Variants in SCRT2 observed in about 807,000 individuals in gnomAD.
SCRT2 encodes the protein transcriptional repressor scratch 2.
In SCRT2, 2 loss-of-function variants were observed where a neutral mutation model predicts 3.7. That is an observed-to-expected ratio of 0.54 (90% confidence interval 0.22 to 1.70). The LOEUF is 1.70. Ranked by LOEUF, SCRT2 falls within the 40% of genes most tolerant of loss-of-function variation. The pLI is 0.19. For synonymous variants in SCRT2, 256 were observed against 220.6 expected (o/e 1.16, Z -1.42); for missense variants, 456 against 468.5 (o/e 0.97, Z 0.25).
chr20:668,805 C>T (rs1984237497), intron 1 of SCRT2, among the ~76,000 whole-genome samples: 1 of 152,204 alleles, frequency 6.6e-6, no homozygotes, highest in African/African-American at 2.4e-5. Context: ...GCTGGGCCCT[C>T]TGCAGACACT....
At chr20:673,716 T>TTGCC (rs1984418932) in intron 1 of SCRT2, among the ~76,000 whole-genome samples, 1 of 152,162 alleles carries the variant, frequency 6.6e-6, no homozygotes. Flanking sequence ...AGGCATTCTC[T>TTGCC]TGCCTCCCTC....
At position 664,311 on chromosome 20, in the gene SCRT2, T is replaced by C; in HGVS notation, c.284A>G (p.Tyr95Cys). 1 of 1,504,790 alleles carries C rather than the reference T, an allele frequency of 6.6e-7. No individual in the cohort carries two copies. The highest frequency in any genetic ancestry group is 9.0e-7 in the Non-Finnish European group (1 of 1,117,056). The allele number at this position is 1,504,790 out of a possible 1,614,324, so 93.2% of individuals were successfully genotyped here. A position where few individuals can be genotyped will look rare whatever the true frequency, so the allele number is the denominator to read the frequency against. The change falls in exon 2 of 2, where the codon TAC becomes TGC. Residue 95 changes from tyrosine (Y) to cysteine (C), a missense_variant. Physicochemically the swap from Tyr to Cys is radical, Grantham distance 194. Around this residue, in one of 3 missense-constraint regions of SCRT2, gnomAD observed 306 missense variants for 305.3 expected, o/e 1.00. Coordinates refer to ENST00000246104, the MANE Select transcript of SCRT2 (RefSeq NM_033129.4). The surrounding 1 kb of genome is among the most constrained non-coding windows in gnomAD (Gnocchi z 7.9). The part of the protein sequence containing the change: ...ESPQSSLSAR[Y>C]FRGEAAVTDS... Reference sequence around the variant, plus strand: ...GGTCACTGCCGCCTCCCCTCGGAAGTAGCGCGCCGACAGGCTCGACTGCGG... The same window carrying C: ...GGTCACTGCCGCCTCCCCTCGGAAGCAGCGCGCCGACAGGCTCGACTGCGG...
chr20:667,881 A>G lies in SCRT2; in HGVS notation c.134-3420T>C, dbSNP rs1049308684. The stretch of plus-strand genomic sequence containing the variant: ...TGCTTAACCTTTCTGGGCGGAATCT[A>G]TACATGACAAAGATGGACTGGAATG... On this transcript the variant is annotated intron_variant, in intron 1 of 1. Transcript: ENST00000246104. The surrounding 1 kb of genome is among the most constrained non-coding windows in gnomAD (Gnocchi z 4.4). Among the ~76,000 whole-genome samples, 1 of 152,150 alleles carries G rather than the reference A, an allele frequency of 6.6e-6. No homozygotes were observed. The highest frequency in any genetic ancestry group is 1.5e-5 in the Non-Finnish European group (1 of 68,028).
At position 675,224 on chromosome 20, in the gene SCRT2, A is replaced by G. The variant is rs901870803; in HGVS notation, c.133+245T>C. ...ACTCTAGCCCTATTTGAGGGCCACA[A>G]CTTTCAAAGTCCCGGCTGGCGCGTG... On this transcript the variant is annotated intron_variant, in intron 1 of 1. Transcript: ENST00000246104. This position sits in a 1 kb window ranked among gnomAD's most constrained non-coding sequence, Gnocchi z 6.9. Among the ~76,000 whole-genome samples, 3 of 151,924 alleles carry G rather than the reference A, an allele frequency of 2.0e-5. No individual in the cohort carries two copies. The highest frequency in any genetic ancestry group is 7.3e-5 in the African/African-American group (3 of 41,346).
intron 1 of SCRT2, among the ~76,000 whole-genome samples, chr20:674,781 AG>A (rs1187499104): frequency 7.0e-6 from 1 of 142,912 alleles, no homozygotes; most frequent in African/African-American, 2.6e-5. Context: ...TTGGTTCTGG[AG>A]GGGGTTGAGA....
At position 675,634 on chromosome 20, in the gene SCRT2, G is replaced by T. The variant is rs1320285436; in HGVS notation, c.-33C>A. The T allele has an allele frequency of 2.4e-6, 3 of 1,258,048 alleles. No homozygotes were observed. Among genetic ancestry groups the T allele is most frequent in the Non-Finnish European group, 2.0e-6 (2 of 993,652 alleles). The allele number at this position is 1,258,048 out of a possible 1,614,324, so 77.9% of individuals were successfully genotyped here. On this transcript the variant is annotated 5_prime_UTR_variant, in exon 1 of 2. Transcript: ENST00000246104. The surrounding 1 kb of genome is among the most constrained non-coding windows in gnomAD (Gnocchi z 6.9). ...CCGGCGCGGGGCTCGGTGCGGGGAG[G>T]CGGCCGGCCGGGCGCGATCGGCTGT...
chr20:674,378 A>ATCTCTCTCTC (rs142958054), intron 1 of SCRT2, among the ~76,000 whole-genome samples: 7 of 102,046 alleles, frequency 6.9e-5, no homozygotes, highest in Admixed American at 9.8e-5. Flanking sequence ...CCCCACCCCC[A>ATCTCTCTCTC]TCTCTCTCTC....
rs2122347578 is a variant in SCRT2, at chr20:667,254, A to G, written c.134-2793T>C. On this transcript the variant is annotated intron_variant, in intron 1 of 1. Transcript: ENST00000246104. The surrounding 1 kb of genome is among the most constrained non-coding windows in gnomAD (Gnocchi z 4.4). ...CACACAAGGTGGTAGGTACCCTTTT[A>G]TAGAAGAGGAAACCAAGGCACAAGG... Among the ~76,000 whole-genome samples the G allele has an allele frequency of 6.6e-6, 1 of 152,320 alleles. No individual in the cohort carries two copies. The highest frequency in any genetic ancestry group is 2.4e-5 in the African/African-American group (1 of 41,580).
In SCRT2 at chr20:675,633, GGCGGCCGGCCGGGC is replaced by G. The variant is rs751982689; in HGVS notation, c.-46_-33del. ...GCCGGCGCGGGGCTCGGTGCGGGGA[GGCGGCCGGCCGGGC>G]GCGATCGGCTGTGTCCGCGCGGGTT... is the stretch of plus-strand genomic sequence containing the variant. On this transcript the variant is annotated 5_prime_UTR_variant, in exon 1 of 2. Transcript: ENST00000246104. The surrounding 1 kb of genome is among the most constrained non-coding windows in gnomAD (Gnocchi z 6.9). 8 of 1,260,368 alleles carry G rather than the reference GGCGGCCGGCCGGGC, an allele frequency of 6.3e-6. No individual in the cohort carries two copies. The highest frequency in any genetic ancestry group is 8.0e-6 in the Non-Finnish European group (8 of 995,214). The allele number at this position is 1,260,368 out of a possible 1,614,324, so 78.1% of individuals were successfully genotyped here. A position where few individuals can be genotyped will look rare whatever the true frequency, so the allele number is the denominator to read the frequency against.
At chr20:672,870 C>G (rs1278322624) in intron 1 of SCRT2, among the ~76,000 whole-genome samples, 1 of 151,908 alleles carries the variant, frequency 6.6e-6, no homozygotes, top group Non-Finnish European at 1.5e-5. Context: ...ATTTTTCACA[C>G]TTCCCTCAAA....
In SCRT2 at chr20:666,664, A is replaced by G. The variant is rs1600472571; in HGVS notation, c.134-2203T>C. 1.3e-5 allele frequency among the ~76,000 whole-genome samples: 2 copies of G among 152,144 alleles called. No homozygotes were observed. Among genetic ancestry groups the G allele is most frequent in the African/African-American group, 4.8e-5 (2 of 41,438 alleles). On this transcript the variant is annotated intron_variant, in intron 1 of 1. Coordinates refer to ENST00000246104, the MANE Select transcript of SCRT2 (RefSeq NM_033129.4). The surrounding 1 kb of genome is among the most constrained non-coding windows in gnomAD (Gnocchi z 4.4). ...GTCCTCCAGGAGGGGGCTGTGGCTG[A>G]GCTGTTCACCTCCCATTCCCAGGGC...
At chr20:671,569 A>G (rs1045826612) in intron 1 of SCRT2, among the ~76,000 whole-genome samples, 1 of 152,034 alleles carries the variant, frequency 6.6e-6, no homozygotes, top group African/African-American at 2.4e-5. Context: ...TGTGGAATGG[A>G]TGTGTGGCAG....
rs1983964240 is a variant in SCRT2, at chr20:661,972, G to GC, written c.*1698_*1699insG. Reference sequence around the variant, plus strand: ...TGTGGCTAAGAGGAGGGGAGAGGAGGATCTGAGAGTCCAGGACTCCTGCCC... The same window carrying GC: ...TGTGGCTAAGAGGAGGGGAGAGGAGGCATCTGAGAGTCCAGGACTCCTGCCC... On this transcript the variant is annotated 3_prime_UTR_variant, in exon 2 of 2. Transcript: ENST00000246104. The GC allele has an allele frequency of 6.5e-6, 1 of 152,720 alleles. No individual in the cohort carries two copies. The highest frequency in any genetic ancestry group is 6.5e-5 in the Admixed American group (1 of 15,292). 9.5% of individuals were successfully genotyped at this position (152,720 alleles called of 1,614,324 possible). A position where few individuals can be genotyped will look rare whatever the true frequency, so the allele number is the denominator to read the frequency against.
At position 664,163 on chromosome 20, in the gene SCRT2, G is replaced by A; in HGVS notation, c.432C>T (p.Arg144=). Residue 144 remains arginine (R), a synonymous_variant, in exon 2 of 2, where the codon CGC becomes CGT. Coordinates refer to ENST00000246104, the MANE Select transcript of SCRT2 (RefSeq NM_033129.4). This position sits in a 1 kb window ranked among gnomAD's most constrained non-coding sequence, Gnocchi z 7.9. ...DAGGAGGRAG[R]AGAQAGGGHR... Reference sequence around the variant, plus strand: ...GCCCGCCGCCCGCCTGCGCCCCCGCGCGCCCCGCGCGCCCCCCGGCGCCCC... The same window carrying A: ...GCCCGCCGCCCGCCTGCGCCCCCGCACGCCCCGCGCGCCCCCCGGCGCCCC... 9.3e-7 allele frequency: 1 copy of A among 1,073,716 alleles called. No homozygotes were observed. The highest frequency in any genetic ancestry group is 1.1e-6 in the Non-Finnish European group (1 of 887,768). The allele number at this position is 1,073,716 out of a possible 1,614,324, so 66.5% of individuals were successfully genotyped here.
intron 1 of SCRT2, among the ~76,000 whole-genome samples, chr20:668,990 C>T (rs1237822908): frequency 2.6e-5 from 4 of 152,120 alleles, no homozygotes; most frequent in East Asian, 3.9e-4. Flanking sequence ...GAGAGGGAGG[C>T]GGCAGGTTTG....
At position 675,479 on chromosome 20, in the gene SCRT2, G is replaced by C; in HGVS notation, c.123C>G (p.Pro41=). 1 of 1,348,018 alleles carries C rather than the reference G, an allele frequency of 7.4e-7. No homozygotes were observed. The allele number at this position is 1,348,018 out of a possible 1,614,324, so 83.5% of individuals were successfully genotyped here. The change falls in exon 1 of 2, where the codon CCC becomes CCG. Residue 41 remains proline, a synonymous_variant. Coordinates refer to ENST00000246104, the MANE Select transcript of SCRT2 (RefSeq NM_033129.4). The surrounding 1 kb of genome is among the most constrained non-coding windows in gnomAD (Gnocchi z 6.9). ...AYVLPGARGP[P]GDNGYAPHRL... ...CCGGGTCCCACTCACCGTTGTCCCC[G>C]GGAGGCCCCCGGGCGCCAGGCAGCA...
rs1371130019 is a variant in SCRT2, at chr20:675,270, C to T, written c.133+199G>A. Reference sequence around the variant, plus strand: ...GCGTGGCTGCGGGATGGGCCGACCCCGCGACTTTCCCTTTGTACGACCTAG... The same window carrying T: ...GCGTGGCTGCGGGATGGGCCGACCCTGCGACTTTCCCTTTGTACGACCTAG... On this transcript the variant is annotated intron_variant, in intron 1 of 1. Coordinates refer to ENST00000246104, the MANE Select transcript of SCRT2 (RefSeq NM_033129.4). The surrounding 1 kb of genome is among the most constrained non-coding windows in gnomAD (Gnocchi z 6.9). Among the ~76,000 whole-genome samples, 2 of 152,138 alleles carry T rather than the reference C, an allele frequency of 1.3e-5. No individual in the cohort carries two copies. Among genetic ancestry groups the T allele is most frequent in the Non-Finnish European group, 2.9e-5 (2 of 68,002 alleles).
At position 663,162 on chromosome 20, in the gene SCRT2, C is replaced by T. The variant is rs985106051; in HGVS notation, c.*509G>A. The T allele has an allele frequency of 6.4e-6, 1 of 155,290 alleles. No individual in the cohort carries two copies. The highest frequency in any genetic ancestry group is 2.4e-5 in the African/African-American group (1 of 41,472). 9.6% of individuals were successfully genotyped at this position (155,290 alleles called of 1,614,324 possible). A position where few individuals can be genotyped will look rare whatever the true frequency, so the allele number is the denominator to read the frequency against. On this transcript the variant is annotated 3_prime_UTR_variant, in exon 2 of 2. Transcript: ENST00000246104. This position sits in a 1 kb window ranked among gnomAD's most constrained non-coding sequence, Gnocchi z 6.9. ...GCCAGAGGGATGGTCTGGGGTTGGACTGTGGTCTCAGGGCGGCAGGGCCTG... is the reference window on the plus strand; with the variant it reads ...GCCAGAGGGATGGTCTGGGGTTGGATTGTGGTCTCAGGGCGGCAGGGCCTG...
At chr20:672,919 G>A (rs1255164193) in intron 1 of SCRT2, among the ~76,000 whole-genome samples, 1 of 151,970 alleles carries the variant, frequency 6.6e-6, no homozygotes. Context: ...GGAGACAACG[G>A]GCCACCAGGA....
Sources: allele counts gnomAD v4.1 joint callset (sites outside exome capture counted in the v4.1 genomes callset), GRCh38; gene constraint gnomAD v4.1.1; regional missense constraint gnomAD v4.1.1; non-coding constraint Gnocchi (gnomAD v3.1); transcripts MANE v1.5; gene names NCBI Gene and HGNC (gene_info 2026-07-23, HGNC 2026-07-21).